The following DLG1 variants were observed in gnomAD, a reference collection of about 807,000 sequenced individuals.
DLG1 encodes the protein disks large homolog 1.
A neutral mutation model predicts 123.4 loss-of-function variants in DLG1; 42 were observed. That is an observed-to-expected ratio of 0.34 (90% CI 0.27 to 0.44). The LOEUF is 0.44. Among genes scored for constraint, DLG1 ranks in the 20% least tolerant of loss-of-function variants. DLG1 has a pLI of 1.00. For missense variants in DLG1, 942 were observed against 1,082.6 expected (o/e 0.87, Z 1.82); for synonymous variants, 317 against 356.2 (o/e 0.89, Z 1.24).
intron 22 of DLG1, among the ~76,000 whole-genome samples, chr3:197,061,852 T>C (rs1345685608): frequency 1.3e-5 from 2 of 152,174 alleles, no homozygotes; most frequent in East Asian, 3.8e-4. Flanking sequence ...TTCTCCACTG[T>C]AAAATTATCA....
At position 197,114,970 on chromosome 3, in the gene DLG1, C is replaced by T. The variant is rs926825383; in HGVS notation, c.1443+957G>A. Among the ~76,000 whole-genome samples the T allele has an allele frequency of 2.2e-4, 26 of 119,804 alleles. No homozygotes were observed. In the East Asian group the frequency reaches 4.8e-3, roughly 22 times the overall value. 78.6% of individuals were successfully genotyped at this position (119,804 alleles called of 152,430 possible). On this transcript the variant is annotated intron_variant, in intron 13 of 24. Coordinates refer to ENST00000667157, the MANE Select transcript of DLG1 (RefSeq NM_001366207.1). ...ACTCCATCCAGCCTGGGCAACAGAG[C>T]GAGACTCCATCTCAAGGAAAAAAAA...
chr3:197,166,005 T>C (rs956110762), intron 5 of DLG1, among the ~76,000 whole-genome samples: 2 of 152,156 alleles, frequency 1.3e-5, no homozygotes, highest in African/African-American at 4.8e-5. Context: ...GAGGAAAGCA[T>C]CTGTAGGCAG....
chr3:197,142,377 T>C (rs1367988527), intron 7 of DLG1, among the ~76,000 whole-genome samples: 1 of 152,142 alleles, frequency 6.6e-6, no homozygotes, highest in Non-Finnish European at 1.5e-5. Flanking sequence ...CAGTTAATAA[T>C]AATGTATGAA....
chr3:197,235,414 G>T (rs1745448688), intron 4 of DLG1, among the ~76,000 whole-genome samples: 1 of 152,194 alleles, frequency 6.6e-6, no homozygotes, highest in African/African-American at 2.4e-5. Flanking sequence ...AACAAGGCCA[G>T]GCAAATAAAA....
chr3:197,121,084 T>G (rs1212617597), intron 11 of DLG1, among the ~76,000 whole-genome samples: 1 of 152,066 alleles, frequency 6.6e-6, no homozygotes, highest in Non-Finnish European at 1.5e-5. Flanking sequence ...AAAAAACAAC[T>G]AGACAAGAAA....
chr3:197,294,417 T>C (rs1346569588), intron 3 of DLG1, among the ~76,000 whole-genome samples: 1 of 151,948 alleles, frequency 6.6e-6, no homozygotes, highest in African/African-American at 2.4e-5. Flanking sequence ...GAGGCCGAGG[T>C]GGGTGGATCA....
In DLG1 at chr3:197,074,756, TGTC is replaced by T. The variant is rs1225151273; in HGVS notation, c.2005+1827_2005+1829del. On this transcript the variant is annotated intron_variant, in intron 18 of 24. Coordinates refer to ENST00000667157, the MANE Select transcript of DLG1 (RefSeq NM_001366207.1). ...CAGAAAGAGTTGTAAATAAACATAC[TGTC>T]TTCAATCTAATACAAACTTAAATCA... Among the ~76,000 whole-genome samples, 72 of 152,208 alleles carry T rather than the reference TGTC, an allele frequency of 4.7e-4. 1 individual carries two copies. Among genetic ancestry groups the T allele is most frequent in the Non-Finnish European group, 1.8e-4 (12 of 67,938 alleles).
chr3:197,290,780 C>T (rs1774444247), intron 3 of DLG1, among the ~76,000 whole-genome samples: 1 of 151,738 alleles, frequency 6.6e-6, no homozygotes, highest in African/African-American at 2.4e-5. Flanking sequence ...CACCTGTAGT[C>T]CCAGCTACTC....
chr3:197,085,981 A>C (rs1193516141), intron 15 of DLG1, among the ~76,000 whole-genome samples: 1 of 151,738 alleles, frequency 6.6e-6, no homozygotes, highest in Non-Finnish European at 1.5e-5. Context: ...TCAATATCAC[A>C]AGACAAATTT....
At chr3:197,291,939 C>T (rs899971407) in intron 3 of DLG1, among the ~76,000 whole-genome samples, 6 of 151,966 alleles carry the variant, frequency 3.9e-5, no homozygotes, top group African/African-American at 9.7e-5. Context: ...ATTAGGATGG[C>T]TATTATCAAA....
intron 7 of DLG1, among the ~76,000 whole-genome samples, chr3:197,142,019 T>C (rs1484561049): frequency 6.6e-6 from 1 of 152,178 alleles, no homozygotes; most frequent in East Asian, 1.9e-4. Flanking sequence ...GAAAAACATA[T>C]CTTAAGAAAA....
At chr3:197,122,925 C>G (rs894417329) in intron 11 of DLG1, among the ~76,000 whole-genome samples, 2 of 152,006 alleles carry the variant, frequency 1.3e-5, no homozygotes, top group African/African-American at 4.8e-5. Context: ...ATTTACTTTA[C>G]ATCAATATTT....
intron 10 of DLG1, among the ~76,000 whole-genome samples, chr3:197,131,207 C>T (rs1157835783): frequency 1.3e-5 from 2 of 152,114 alleles, no homozygotes; most frequent in Non-Finnish European, 2.9e-5. Flanking sequence ...CAATTGAGCA[C>T]AAATATTTAA....
intron 4 of DLG1, among the ~76,000 whole-genome samples, chr3:197,204,940 C>T (rs1047637135): frequency 6.6e-6 from 1 of 152,072 alleles, no homozygotes; most frequent in African/African-American, 2.4e-5. Context: ...TGACAGCAAT[C>T]GCCAAAAGGT....
chr3:197,224,563 A>C lies in DLG1; in HGVS notation c.319-29974T>G, dbSNP rs186996251. On this transcript the variant is annotated intron_variant, in intron 4 of 24. Transcript: ENST00000667157. ...GAATTTTTTACTGGCTCATAGTTTA[A>C]CAACCAATACGAATGTTAAATTTGT... Among the ~76,000 whole-genome samples the C allele has an allele frequency of 5.3e-5, 8 of 152,366 alleles. No individual in the cohort carries two copies. The East Asian group carries it at 9.6e-4, about 18-fold the overall frequency.
At chr3:197,166,738 A>C (rs533017272) in intron 5 of DLG1, among the ~76,000 whole-genome samples, 2 of 152,234 alleles carry the variant, frequency 1.3e-5, no homozygotes, top group South Asian at 4.1e-4. Context: ...AAAAATACAA[A>C]AAATTAGCTG....
chr3:197,281,314 T>C (rs1769262068), intron 4 of DLG1, among the ~76,000 whole-genome samples: 2 of 152,072 alleles, frequency 1.3e-5, no homozygotes, highest in Non-Finnish European at 2.9e-5. Flanking sequence ...GCTGGGATTA[T>C]AAACATGAGC....
At chr3:197,270,518 G>A (rs1763470537) in intron 4 of DLG1, among the ~76,000 whole-genome samples, 1 of 152,112 alleles carries the variant, frequency 6.6e-6, no homozygotes, top group South Asian at 2.1e-4. Flanking sequence ...GAAAAAGAGT[G>A]TTATAGAAGA....
rs777696096 is a variant in DLG1, at chr3:197,115,826, G to A, written c.1443+101C>T. 18 of 1,125,802 alleles carry A rather than the reference G, an allele frequency of 1.6e-5. 1 individual carries two copies. The highest frequency in any genetic ancestry group is 2.3e-5 in the Non-Finnish European group (18 of 776,600). 69.7% of individuals were successfully genotyped at this position (1,125,802 alleles called of 1,614,324 possible). ...TGTAAAATGTTAAGAAGATAACCAA[G>A]ATATCCCCATTACTTTAGGATATAA... On this transcript the variant is annotated intron_variant, in intron 13 of 24. Transcript: ENST00000667157.
Sources: allele counts gnomAD v4.1 joint callset (sites outside exome capture counted in the v4.1 genomes callset), GRCh38; gene constraint gnomAD v4.1.1; transcripts MANE v1.5; gene names NCBI Gene and HGNC (gene_info 2026-07-23, HGNC 2026-07-21).